NEMF: variants seen among roughly 807,000 people sequenced by gnomAD.
NEMF encodes ribosome quality control complex subunit NEMF.
A neutral mutation model predicts 162.2 loss-of-function variants in NEMF; 89 were observed. That is an observed-to-expected ratio of 0.55 (90% CI 0.46 to 0.65). The LOEUF is 0.65. Ranked by LOEUF, NEMF falls within the 30% of genes least tolerant of loss-of-function variation. The probability of loss-of-function intolerance (pLI) is 0.00; values close to 1 mark genes in which losing one functional copy is unlikely to be tolerated. For missense variants in NEMF, 1,133 were observed against 1,261.9 expected, an observed-to-expected ratio of 0.90 and a Z score of 1.55; for synonymous variants, 421 against 404.5, an observed-to-expected ratio of 1.04 and a Z score of -0.49.
chr14:49,794,590 GC>G (rs112260292), intron 26 of NEMF, among the ~76,000 whole-genome samples: 183 of 139,948 alleles, frequency 1.3e-3, no homozygotes, highest in African/African-American at 4.8e-3. Context: ...CTACACTCCA[GC>G]CTGGGCAACA....
chr14:49,809,808 C>G (rs1346240326), intron 18 of NEMF, among the ~76,000 whole-genome samples: 1 of 151,930 alleles, frequency 6.6e-6, no homozygotes, highest in African/African-American at 2.4e-5. Flanking sequence ...TTGCAGTAAG[C>G]TGAGATTACG....
At chr14:49,846,656 G>A (rs1893517660) in intron 3 of NEMF, among the ~76,000 whole-genome samples, 1 of 152,028 alleles carries the variant, frequency 6.6e-6, no homozygotes, top group African/African-American at 2.4e-5. Context: ...GTAGAGACAG[G>A]GTCTCACTAT....
At chr14:49,786,693 T>C (rs1216051894) in intron 29 of NEMF, 25 bp downstream of exon 29, 4 of 1,602,570 alleles carry the variant, frequency 2.5e-6, no homozygotes, top group Non-Finnish European at 3.4e-6. Context: ...AGTGTTGTAG[T>C]AGGAACCCCA....
intron 16 of NEMF, among the ~76,000 whole-genome samples, chr14:49,823,349 G>A (rs1041960020): frequency 6.6e-6 from 1 of 151,270 alleles, no homozygotes; most frequent in Non-Finnish European, 1.5e-5. Context: ...TATTCTCAGA[G>A]AGCTAAAAGA....
intron 18 of NEMF, among the ~76,000 whole-genome samples, chr14:49,811,086 T>C (rs943390784): frequency 6.6e-6 from 1 of 152,244 alleles, no homozygotes; most frequent in African/African-American, 2.4e-5. Flanking sequence ...AGACTTCCAA[T>C]ACATATACAT....
chr14:49,825,271 A>G (rs1242901267), intron 16 of NEMF, among the ~76,000 whole-genome samples: 3 of 152,262 alleles, frequency 2.0e-5, no homozygotes, highest in South Asian at 4.1e-4. Flanking sequence ...ACAAGTGGAA[A>G]GAGGGAAATC....
chr14:49,817,391 G>T (rs541177136), intron 16 of NEMF, among the ~76,000 whole-genome samples: 1 of 152,174 alleles, frequency 6.6e-6, no homozygotes, highest in South Asian at 2.1e-4. Context: ...AATGAGCCAA[G>T]ATTGCACCAC....
chr14:49,802,033 C>T (rs1890978978), intron 22 of NEMF, among the ~76,000 whole-genome samples: 1 of 151,166 alleles, frequency 6.6e-6, no homozygotes, highest in Non-Finnish European at 1.5e-5. Context: ...TCTAGGCTCA[C>T]TGTAACCTCT....
At position 49,782,906 on chromosome 14, in the gene NEMF, C is replaced by T. The variant is rs756075361; in HGVS notation, c.*1730G>A. Reference sequence around the variant, plus strand: ...GAACTGCCTTCCAAAACACTTACTTCACAGTGTTAATCAGAGGTTTGGTAG... The same window carrying T: ...GAACTGCCTTCCAAAACACTTACTTTACAGTGTTAATCAGAGGTTTGGTAG... On this transcript the variant is annotated 3_prime_UTR_variant, in exon 33 of 33. Transcript: ENST00000298310. 27 of 1,613,030 alleles carry T rather than the reference C, an allele frequency of 1.7e-5. No homozygotes were observed. In the Middle Eastern group the frequency reaches 1.3e-3, roughly 79 times the overall value.
intron 18 of NEMF, among the ~76,000 whole-genome samples, chr14:49,810,070 G>A (rs1436987744): frequency 2.0e-5 from 3 of 151,232 alleles, no homozygotes; most frequent in Admixed American, 1.3e-4. Context: ...CGAAAAAAAT[G>A]TCTATTTAAA....
At chr14:49,787,889 A>G (rs1041814153) in intron 28 of NEMF, among the ~76,000 whole-genome samples, 1 of 152,240 alleles carries the variant, frequency 6.6e-6, no homozygotes, top group Non-Finnish European at 1.5e-5. Flanking sequence ...TACCTGCACT[A>G]AACTGAGCAC....
chr14:49,844,851 C>T, intron 4 of NEMF: 1 of 398,426 alleles, frequency 2.5e-6, no homozygotes, highest in South Asian at 1.8e-5. Flanking sequence ...TCACTGCAAC[C>T]ACTGCCTCCC....
intron 18 of NEMF, among the ~76,000 whole-genome samples, chr14:49,809,464 G>A (rs576839548): frequency 6.6e-6 from 1 of 152,244 alleles, no homozygotes; most frequent in African/African-American, 2.4e-5. Flanking sequence ...TGAACAGGCA[G>A]GGCACAGAGG....
intron 4 of NEMF, among the ~76,000 whole-genome samples, chr14:49,843,869 C>T (rs572971279): frequency 3.3e-5 from 5 of 152,250 alleles, no homozygotes; most frequent in South Asian, 2.1e-4. Flanking sequence ...GAGGCCAAGG[C>T]GAGCAGATCA....
chr14:49,846,522 G>C (rs1289289424), intron 3 of NEMF, among the ~76,000 whole-genome samples: 1 of 152,232 alleles, frequency 6.6e-6, no homozygotes, highest in African/African-American at 2.4e-5. Context: ...CTGGAGCCCA[G>C]TGGTGTGATC....
At chr14:49,796,023 G>C in intron 25 of NEMF, 79 bp from the exon 26 acceptor site, 1 of 1,027,462 alleles carries the variant, frequency 9.7e-7, no homozygotes, top group Non-Finnish European at 1.4e-6. Context: ...CATGGGGAAG[G>C]CACATATACA....
At chr14:49,840,331 G>A (rs1397712349) in intron 5 of NEMF, among the ~76,000 whole-genome samples, 1 of 152,044 alleles carries the variant, frequency 6.6e-6, no homozygotes, top group Non-Finnish European at 1.5e-5. Flanking sequence ...GCGTGGTGGC[G>A]CACGCCTATA....
chr14:49,824,283 G>A (rs920751391), intron 16 of NEMF, among the ~76,000 whole-genome samples: 5 of 152,020 alleles, frequency 3.3e-5, no homozygotes, highest in East Asian at 1.9e-4. Flanking sequence ...GGTGGCTCAC[G>A]CCTGTAATCC....
At chr14:49,816,157 G>A (rs539711952) in intron 16 of NEMF, among the ~76,000 whole-genome samples, 7 of 152,184 alleles carry the variant, frequency 4.6e-5, no homozygotes, top group African/African-American at 1.7e-4. Context: ...GGAAGTCAGG[G>A]ACCCTGAACA....
Sources: gnomAD v4.1 joint callset for allele counts (sites outside exome capture counted in the v4.1 genomes callset) on GRCh38, gnomAD v4.1.1 for gene constraint, MANE v1.5 for transcripts, NCBI Gene and HGNC (gene_info 2026-07-23, HGNC 2026-07-21) for gene names.